The following C16orf74 variants were observed in gnomAD, a reference collection of about 807,000 sequenced individuals.
C16orf74 encodes uncharacterized protein C16orf74.
A neutral mutation model predicts 6.5 loss-of-function variants in C16orf74; 10 were observed. The ratio of observed to expected loss-of-function variants is 1.54; its 90% CI spans 0.95 to 2.61. C16orf74 has a LOEUF of 2.61. C16orf74 is among the 30% of genes most tolerant of loss of function. The pLI is 0.00. For synonymous variants in C16orf74, 60 were observed against 42.5 expected (o/e 1.41, Z -1.60); for missense variants, 141 against 105.9 (o/e 1.33, Z -1.45).
At chr16:85,738,628 G>A (rs975251268) in intron 1 of C16orf74, among the ~76,000 whole-genome samples, 1 of 151,972 alleles carries the variant, frequency 6.6e-6, no homozygotes, top group African/African-American at 2.4e-5. Flanking sequence ...ACCGCGCCGG[G>A]CCCGGCACTG....
chr16:85,728,019 C>G (rs987621300), intron 2 of C16orf74, among the ~76,000 whole-genome samples: 2 of 148,740 alleles, frequency 1.3e-5, no homozygotes, highest in Admixed American at 6.7e-5. Flanking sequence ...TACACCTATA[C>G]TCCAGCTGCT....
chr16:85,739,518 G>A (rs146590430), intron 1 of C16orf74, among the ~76,000 whole-genome samples: 1 of 152,336 alleles, frequency 6.6e-6, no homozygotes, highest in East Asian at 1.9e-4. Context: ...GCGTCACCAT[G>A]AGAGCAGCGG....
rs947288092 is a variant in C16orf74, at chr16:85,715,982, G to A, written c.29-5675C>T. On this transcript the variant is annotated intron_variant, in intron 2 of 3. Transcript: ENST00000284245. ...TTATCATCCACAAAGAGCTCCTTGC[G>A]GAGGCCCCCGACAAAAGGAATCGCT... 7.6e-5 allele frequency among the ~76,000 whole-genome samples: 11 copies of A among 143,958 alleles called. No homozygotes were observed. The East Asian group carries it at 7.7e-4, about 10-fold the overall frequency. 94.4% of individuals were successfully genotyped at this position (143,958 alleles called of 152,430 possible). A position where few individuals can be genotyped will look rare whatever the true frequency, so the allele number is the denominator to read the frequency against.
rs376685797 is a variant in C16orf74, at chr16:85,716,270, G to T, written c.29-5963C>A. ...GGTTGGAGGGAGAGGAGGAAAGGAG[G>T]AGAGAACGGAGGGAAGGAGGAGAGG... On this transcript the variant is annotated intron_variant, in intron 2 of 3. Coordinates refer to ENST00000284245, the MANE Select transcript of C16orf74 (RefSeq NM_206967.3). Among the ~76,000 whole-genome samples the T allele has an allele frequency of 8.6e-5, 13 of 151,136 alleles. No individual in the cohort carries two copies. In the East Asian group the frequency reaches 2.0e-3, roughly 23 times the overall value.
chr16:85,735,285 A>G, intron 1 of C16orf74, 50 bp from the exon 2 acceptor site: 2 of 1,416,664 alleles, frequency 1.4e-6, no homozygotes, highest in Non-Finnish European at 1.9e-6. Flanking sequence ...ACTTGTTTGT[A>G]TTGGCCACGT....
intron 1 of C16orf74, among the ~76,000 whole-genome samples, chr16:85,749,382 C>A (rs2152067906): frequency 6.6e-6 from 1 of 152,224 alleles, no homozygotes; most frequent in Admixed American, 6.5e-5. Context: ...ACTTCTTGGG[C>A]TCAAGGAAAC....
At chr16:85,732,062 A>T (rs2054194557) in intron 2 of C16orf74, among the ~76,000 whole-genome samples, 1 of 152,230 alleles carries the variant, frequency 6.6e-6, no homozygotes, top group African/African-American at 2.4e-5. Context: ...AGCAAATGAC[A>T]GTTGTCCTTA....
chr16:85,747,175 C>A (rs2054383768), intron 1 of C16orf74, among the ~76,000 whole-genome samples: 2 of 152,218 alleles, frequency 1.3e-5, no homozygotes, highest in Non-Finnish European at 2.9e-5. Flanking sequence ...TAGAGCTGAA[C>A]ACCTTTAGGA....
chr16:85,735,767 G>T (rs1451154042), intron 1 of C16orf74, among the ~76,000 whole-genome samples: 1 of 152,102 alleles, frequency 6.6e-6, no homozygotes, highest in Admixed American at 6.5e-5. Flanking sequence ...CAGCCCACGG[G>T]TATTAGAATT....
intron 1 of C16orf74, among the ~76,000 whole-genome samples, chr16:85,742,489 C>G (rs1001163801): frequency 2.6e-5 from 4 of 152,148 alleles, no homozygotes; most frequent in Admixed American, 2.6e-4. Flanking sequence ...GCCTGAGGCC[C>G]TCACCATCCT....
At chr16:85,740,550 A>G (rs1456992334) in intron 1 of C16orf74, among the ~76,000 whole-genome samples, 1 of 151,976 alleles carries the variant, frequency 6.6e-6, no homozygotes, top group African/African-American at 2.4e-5. Flanking sequence ...AAAATATAAA[A>G]AATTAGCCAG....
intron 1 of C16orf74, among the ~76,000 whole-genome samples, chr16:85,748,133 T>A (rs931239989): frequency 8.7e-5 from 6 of 68,952 alleles, no homozygotes; most frequent in African/African-American, 2.0e-4. Context: ...TGTGTGTATA[T>A]ATATATGTGT....
chr16:85,740,691 CAAAAAA>C (rs59658163), intron 1 of C16orf74, among the ~76,000 whole-genome samples: 53,730 of 131,028 alleles, frequency 0.41, 11,196 homozygotes, highest in Middle Eastern at 0.52. Context: ...GACTCTGTTT[CAAAAAA>C]AAAAAAAAAA....
rs1289680133 is a variant in C16orf74, at chr16:85,710,290, T to G, written c.46A>C (p.Ser16Arg). The G allele has an allele frequency of 6.6e-7, 1 of 1,510,184 alleles. No homozygotes were observed. Among genetic ancestry groups the G allele is most frequent in the Non-Finnish European group, 8.8e-7 (1 of 1,139,996 alleles). 93.5% of individuals were successfully genotyped at this position (1,510,184 alleles called of 1,614,324 possible). The change falls in exon 3 of 4, where the codon AGC becomes CGC. Residue 16 changes from serine (S) to arginine (R), a missense_variant. Physicochemically the swap from Ser to Arg is moderately radical, Grantham distance 110 (BLOSUM62 -1). Coordinates refer to ENST00000284245, the MANE Select transcript of C16orf74 (RefSeq NM_206967.3). ...SCLKGFQMCVSSSSSSHDEAP... is the reference protein window; with the variant it reads ...SCLKGFQMCVRSSSSSHDEAP... ...TCGTCGTGGCTGCTGCTGCTGCTGC[T>G]GACACACATTTGAAAGCCTGAGAAG... is the stretch of plus-strand genomic sequence containing the variant.
At chr16:85,738,676 G>A (rs1450874012) in intron 1 of C16orf74, among the ~76,000 whole-genome samples, 1 of 151,872 alleles carries the variant, frequency 6.6e-6, no homozygotes, top group Non-Finnish European at 1.5e-5. Flanking sequence ...CTCACATGCA[G>A]GAGAGAGAAT....
At chr16:85,717,821 G>C (rs919619353) in intron 2 of C16orf74, among the ~76,000 whole-genome samples, 7 of 152,332 alleles carry the variant, frequency 4.6e-5, no homozygotes, top group African/African-American at 1.4e-4. Context: ...GGGGCTTGAC[G>C]TGGCTCCAGG....
intron 2 of C16orf74, among the ~76,000 whole-genome samples, chr16:85,733,474 G>A (rs913905404): frequency 6.6e-6 from 1 of 152,190 alleles, no homozygotes; most frequent in Non-Finnish European, 1.5e-5. Flanking sequence ...GACGGGTGGG[G>A]TGATGGTTGC....
chr16:85,710,393 C>T, intron 2 of C16orf74, 86 bp from the exon 3 acceptor site: 1 of 1,324,482 alleles, frequency 7.6e-7, no homozygotes, highest in African/African-American at 1.6e-5. Context: ...CGGGCGCCAC[C>T]CTCCCTTCAC....
chr16:85,721,068 G>A (rs2054078224), intron 2 of C16orf74, among the ~76,000 whole-genome samples: 1 of 152,088 alleles, frequency 6.6e-6, no homozygotes, highest in Non-Finnish European at 1.5e-5. Flanking sequence ...CCTAGCCTAG[G>A]CAATAAGAGC....
Sources: gnomAD v4.1 joint callset for allele counts (sites outside exome capture counted in the v4.1 genomes callset) on GRCh38, gnomAD v4.1.1 for gene constraint, MANE v1.5 for transcripts, NCBI Gene and HGNC (gene_info 2026-07-23, HGNC 2026-07-21) for gene names.